The following AGTPBP1 variants were observed in gnomAD, a reference collection of about 807,000 sequenced individuals.
The protein encoded by AGTPBP1 is cytosolic carboxypeptidase 1.
A neutral mutation model predicts 143.9 loss-of-function variants in AGTPBP1; 70 were observed. The ratio of observed to expected loss-of-function variants is 0.49; its 90% CI spans 0.40 to 0.59. The LOEUF (loss-of-function observed/expected upper bound fraction) is 0.59, where lower values mean the gene tolerates loss of function less well. Ranked by LOEUF, AGTPBP1 falls within the 20% of genes least tolerant of loss-of-function variation. The pLI is 0.00. For synonymous variants in AGTPBP1, 463 were observed against 500.2 expected, an observed-to-expected ratio of 0.93 and a Z score of 0.99; for missense variants, 1,229 against 1,464.5, an observed-to-expected ratio of 0.84 and a Z score of 2.62.
intron 8 of AGTPBP1, among the ~76,000 whole-genome samples, chr9:85,661,498 T>G (rs1406786083): frequency 6.6e-6 from 1 of 152,104 alleles, no homozygotes; most frequent in Non-Finnish European, 1.5e-5. Flanking sequence ...AACTTGAAGG[T>G]TGGGGAGAAG....
chr9:85,699,591 AT>A (rs1370315255), intron 2 of AGTPBP1, among the ~76,000 whole-genome samples: 18 of 144,266 alleles, frequency 1.2e-4, no homozygotes, highest in East Asian at 4.5e-4. Context: ...GTAAAAAAAA[AT>A]AATAAACAGC....
intron 23 of AGTPBP1, among the ~76,000 whole-genome samples, chr9:85,579,938 A>T (rs1828144878): frequency 6.6e-6 from 1 of 151,802 alleles, no homozygotes; most frequent in South Asian, 2.1e-4. Context: ...GTAAACATGG[A>T]ACTGTACTTT....
intron 25 of AGTPBP1, among the ~76,000 whole-genome samples, chr9:85,573,863 C>G (rs1827706246): frequency 6.6e-6 from 1 of 151,822 alleles, no homozygotes; most frequent in African/African-American, 2.4e-5. Context: ...AGACCCTCCG[C>G]CTGGCAGCCA....
chr9:85,656,126 C>T (rs902360380), intron 10 of AGTPBP1, among the ~76,000 whole-genome samples: 2 of 152,126 alleles, frequency 1.3e-5, no homozygotes, highest in Non-Finnish European at 2.9e-5. Flanking sequence ...TGCGCCTGGC[C>T]CACAATATAA....
rs541221721 is a variant in AGTPBP1, at chr9:85,691,609, ACTAT to A, written c.157+1076_157+1079del. Among the ~76,000 whole-genome samples, 82 of 149,194 alleles carry A rather than the reference ACTAT, an allele frequency of 5.5e-4. No homozygotes were observed. In the South Asian group the frequency reaches 6.3e-3, roughly 11 times the overall value. On this transcript the variant is annotated intron_variant, in intron 3 of 25. Coordinates refer to ENST00000357081, the MANE Select transcript of AGTPBP1 (RefSeq NM_001330701.2). ...TTTTAGTCTCATCAAAGTCCTTTTT[ACTAT>A]CTATTAAGGTAATCACATGGATTTT...
chr9:85,563,419 G>A (rs1015561422), intron 25 of AGTPBP1, among the ~76,000 whole-genome samples: 4 of 152,144 alleles, frequency 2.6e-5, no homozygotes, highest in South Asian at 2.1e-4. Flanking sequence ...GTAGAAATAC[G>A]ACAGTAAAGG....
intron 2 of AGTPBP1, among the ~76,000 whole-genome samples, chr9:85,698,679 C>CTTTTTTTTTTTTTTTTTTTTTTTTT (rs34248388): frequency 1.3e-5 from 1 of 76,568 alleles, no homozygotes; most frequent in Non-Finnish European, 2.3e-5. Flanking sequence ...CCACCTAACC[C>CTTTTTTTTTTTTTTTTTTTTTTTTT]TTTTTTTTTT....
intron 3 of AGTPBP1, among the ~76,000 whole-genome samples, chr9:85,691,920 C>T (rs1835902727): frequency 6.6e-6 from 1 of 152,078 alleles, no homozygotes; most frequent in Admixed American, 6.6e-5. Context: ...TTTTTACATG[C>T]TTCTCATGTA....
intron 2 of AGTPBP1, among the ~76,000 whole-genome samples, chr9:85,698,920 C>A (rs1836462545): frequency 6.6e-6 from 1 of 151,630 alleles, no homozygotes; most frequent in Non-Finnish European, 1.5e-5. Flanking sequence ...GTCTCGATCT[C>A]CTGACCTCGT....
At chr9:85,571,028 A>C (rs893614407) in intron 25 of AGTPBP1, among the ~76,000 whole-genome samples, 7 of 152,212 alleles carry the variant, frequency 4.6e-5, no homozygotes, top group Admixed American at 2.0e-4. Flanking sequence ...ATCAGAATGG[A>C]ACATATCACT....
chr9:85,783,239 A>G, the AGTPBP1 span, among the ~76,000 whole-genome samples: 135 of 152,366 alleles, frequency 8.9e-4, 2 homozygotes, highest in South Asian at 0.021. Flanking sequence ...TCTAGTCTTG[A>G]TAATAACGTT....
the AGTPBP1 span, among the ~76,000 whole-genome samples, chr9:85,795,170 G>C: frequency 6.6e-6 from 1 of 152,114 alleles, no homozygotes; most frequent in Non-Finnish European, 1.5e-5. Context: ...TCTAGGTTAA[G>C]GGTGGTATGA....
chr9:85,567,262 C>T (rs1195512051), intron 25 of AGTPBP1, among the ~76,000 whole-genome samples: 2 of 151,956 alleles, frequency 1.3e-5, no homozygotes, highest in South Asian at 4.2e-4. Flanking sequence ...TTAGGGTCTT[C>T]AAAGAAGGAA....
At chr9:85,549,425 CT>C (rs1222066332) in intron 25 of AGTPBP1, among the ~76,000 whole-genome samples, 2 of 152,194 alleles carry the variant, frequency 1.3e-5, no homozygotes, top group Admixed American at 6.5e-5. Flanking sequence ...TCCAGCCCAC[CT>C]TTCCCCCTAT....
the AGTPBP1 span, among the ~76,000 whole-genome samples, chr9:85,796,395 T>C: frequency 6.6e-6 from 1 of 152,290 alleles, no homozygotes; most frequent in East Asian, 1.9e-4. Context: ...TGCTTTTACG[T>C]TTTATGTTGT....
intron 2 of AGTPBP1, among the ~76,000 whole-genome samples, chr9:85,711,638 C>T (rs1420971961): frequency 6.6e-6 from 1 of 151,908 alleles, no homozygotes; most frequent in Non-Finnish European, 1.5e-5. Flanking sequence ...CAGGGTTTCA[C>T]CATGTTGGCC....
intron 1 of AGTPBP1, among the ~76,000 whole-genome samples, chr9:85,726,385 A>T (rs1213753640): frequency 1.3e-5 from 2 of 152,218 alleles, no homozygotes; most frequent in African/African-American, 4.8e-5. Context: ...GATTTTTCTC[A>T]ATTAGTTTTT....
rs576682517 is a variant in AGTPBP1, at chr9:85,714,494, G to C, written c.-33-1928C>G. ...GCCCTTCTATGCAGTCATGTATCCT[G>C]TGTGTAATGAGCTAGAAGGAGTAAA... is the stretch of plus-strand genomic sequence containing the variant. On this transcript the variant is annotated intron_variant, in intron 1 of 25. Coordinates refer to ENST00000357081, the MANE Select transcript of AGTPBP1 (RefSeq NM_001330701.2). Among the ~76,000 whole-genome samples, 4 of 152,290 alleles carry C rather than the reference G, an allele frequency of 2.6e-5. No homozygotes were observed. In the South Asian group the frequency reaches 6.2e-4, roughly 24 times the overall value.
chr9:85,625,330 T>C (rs1831202284), intron 14 of AGTPBP1, among the ~76,000 whole-genome samples: 1 of 152,224 alleles, frequency 6.6e-6, no homozygotes, highest in Non-Finnish European at 1.5e-5. Flanking sequence ...TGTTTTTCCA[T>C]AACCTCATCA....
Sources: gnomAD v4.1 joint callset for allele counts (sites outside exome capture counted in the v4.1 genomes callset) on GRCh38, gnomAD v4.1.1 for gene constraint, MANE v1.5 for transcripts, NCBI Gene and HGNC (gene_info 2026-07-23, HGNC 2026-07-21) for gene names.